PLCL1: variants seen among roughly 807,000 people sequenced by gnomAD.
PLCL1 encodes inactive phospholipase C-like protein 1.
PLCL1 carries 41 observed loss-of-function variants against 84.4 expected under a neutral mutation model. The ratio of observed to expected loss-of-function variants is 0.49; its 90% CI spans 0.38 to 0.63. The LOEUF is 0.63. Among genes scored for constraint, PLCL1 ranks in the 30% least tolerant of loss-of-function variants. The probability of loss-of-function intolerance (pLI) is 0.00; values close to 1 mark genes in which losing one functional copy is unlikely to be tolerated. For synonymous variants in PLCL1, 490 were observed against 488.3 expected, an observed-to-expected ratio of 1.00 and a Z score of -0.05; for missense variants, 1,206 against 1,367.8, an observed-to-expected ratio of 0.88 and a Z score of 1.87.
chr2:197,924,050 G>A (rs1353128826), intron 1 of PLCL1, among the ~76,000 whole-genome samples: 1 of 151,062 alleles, frequency 6.6e-6, no homozygotes, highest in East Asian at 2.0e-4. Flanking sequence ...GGCAGGCTGA[G>A]GCAGGAGAAT....
chr2:198,004,148 TAAAAGC>T lies in PLCL1; in HGVS notation c.241-79607_241-79602del, dbSNP rs797015384. Among the ~76,000 whole-genome samples, 756 of 151,762 alleles carry T rather than the reference TAAAAGC, an allele frequency of 5.0e-3. 7 individuals are homozygous for T. The highest frequency in any genetic ancestry group is 0.017 in the African/African-American group (691 of 41,460). ...ATGTAATATATTTAGCTTTTTTTTT[TAAAAGC>T]AAGTCTGGAAGCTGGGCCAATTTCT... On this transcript the variant is annotated intron_variant, in intron 1 of 5. Transcript: ENST00000428675.
intron 1 of PLCL1, among the ~76,000 whole-genome samples, chr2:197,834,630 AT>A (rs1691144105): frequency 6.6e-6 from 1 of 152,246 alleles, no homozygotes; most frequent in Non-Finnish European, 1.5e-5. Context: ...AATGGCGATC[AT>A]TAAAAAGTCA....
intron 1 of PLCL1, among the ~76,000 whole-genome samples, chr2:197,925,826 ATC>A (rs1035515664): frequency 8.6e-5 from 13 of 151,410 alleles, no homozygotes; most frequent in African/African-American, 2.9e-4. Context: ...TTTTATTTCA[ATC>A]TCTCTTTTAG....
chr2:198,059,971 C>A (rs1692153752), intron 1 of PLCL1, among the ~76,000 whole-genome samples: 1 of 152,126 alleles, frequency 6.6e-6, no homozygotes, highest in East Asian at 1.9e-4. Context: ...GGTTATCTGG[C>A]TGCATGAGGT....
intron 1 of PLCL1, among the ~76,000 whole-genome samples, chr2:197,835,911 TGA>T (rs1293681455): frequency 2.0e-5 from 3 of 152,210 alleles, no homozygotes; most frequent in Non-Finnish European, 4.4e-5. Flanking sequence ...TACAGTGTAA[TGA>T]TAGTATGTCA....
chr2:198,034,776 A>G (rs77713648), intron 1 of PLCL1, among the ~76,000 whole-genome samples: 1 of 152,334 alleles, frequency 6.6e-6, no homozygotes, highest in East Asian at 1.9e-4. Flanking sequence ...TAGGAAATCA[A>G]TCCAGGATCA....
chr2:198,141,720 G>A (rs1389100929), intron 5 of PLCL1, among the ~76,000 whole-genome samples: 1 of 152,156 alleles, frequency 6.6e-6, no homozygotes, highest in Admixed American at 6.5e-5. Flanking sequence ...TATGATGTCT[G>A]TGACTGGTTT....
chr2:198,087,654 TG>T (rs1692917719), intron 2 of PLCL1, among the ~76,000 whole-genome samples: 2 of 81,134 alleles, frequency 2.5e-5, no homozygotes, highest in Non-Finnish European at 7.8e-5. Flanking sequence ...TAATAATAAC[TG>T]TACATTTTAG....
rs972358756 is a variant in PLCL1 at position 198,132,905 on chromosome 2, T to G, written c.3106-13875T>G. Among the ~76,000 whole-genome samples the G allele has an allele frequency of 3.9e-5, 6 of 151,972 alleles. No homozygotes were observed. The East Asian group carries it at 1.2e-3, about 29-fold the overall frequency. On this transcript the variant is annotated intron_variant, in intron 5 of 5. Transcript: ENST00000428675. ...GTTTTGGACATGAAGTCCTTGCCCA[T>G]GCCTATGTCCTGAATGGTAATGCCT...
chr2:197,908,762 T>G (rs1238481037), intron 1 of PLCL1, among the ~76,000 whole-genome samples: 3 of 152,166 alleles, frequency 2.0e-5, no homozygotes, highest in Admixed American at 2.0e-4. Flanking sequence ...ATAGAAGAGG[T>G]GATATTGTCT....
chr2:197,888,221 C>T lies in PLCL1; in HGVS notation c.240+82882C>T, dbSNP rs1046893820. Among the ~76,000 whole-genome samples the T allele has an allele frequency of 2.0e-5, 3 of 152,100 alleles. No individual in the cohort carries two copies. The East Asian group carries it at 5.8e-4, about 29-fold the overall frequency. On this transcript the variant is annotated intron_variant, in intron 1 of 5. Coordinates refer to ENST00000428675, the MANE Select transcript of PLCL1 (RefSeq NM_006226.4). ...GTAAACTCTCTGGTTGTATTTCTCA[C>T]CTAACTTCATTGAATTGTTGGTCTT...
chr2:197,915,467 A>G (rs1443382643), intron 1 of PLCL1, among the ~76,000 whole-genome samples: 1 of 152,028 alleles, frequency 6.6e-6, no homozygotes, highest in Non-Finnish European at 1.5e-5. Context: ...TCTGTGGATA[A>G]AAGGAGGGTT....
At chr2:197,918,946 C>G (rs987551963) in intron 1 of PLCL1, among the ~76,000 whole-genome samples, 16 of 132,638 alleles carry the variant, frequency 1.2e-4, no homozygotes, top group Non-Finnish European at 1.5e-4. Flanking sequence ...GTCTCTCTCT[C>G]TCTCTCTCTC....
rs996381016 is a variant in PLCL1 at position 197,805,157 on chromosome 2, G to A, written c.58G>A (p.Glu20Lys). 1.4e-3 allele frequency: 1,789 copies of A among 1,304,408 alleles called. 1 individual carries two copies. Among genetic ancestry groups the A allele is most frequent in the Non-Finnish European group, 1.6e-3 (1,681 of 1,031,430 alleles). 80.8% of individuals were successfully genotyped at this position (1,304,408 alleles called of 1,614,324 possible). ...DPAPPDAAGGEDDPRVGPDAA... is the reference protein window; with the variant it reads ...DPAPPDAAGGKDDPRVGPDAA... ...GGCGCCGCCCGACGCGGCGGGGGGC[G>A]AAGACGACCCCCGAGTGGGCCCGGA... is the stretch of plus-strand genomic sequence containing the variant. The change falls in exon 1 of 6, where the codon GAA becomes AAA. Residue 20 changes from glutamate to lysine, a missense_variant. By Grantham distance (56) the Glu-to-Lys change is moderately conservative. Coordinates refer to ENST00000428675, the MANE Select transcript of PLCL1 (RefSeq NM_006226.4). This position sits in a 1 kb window ranked among gnomAD's most constrained non-coding sequence, Gnocchi z 4.0.
intron 1 of PLCL1, among the ~76,000 whole-genome samples, chr2:197,807,045 A>G (rs1021045580): frequency 5.9e-5 from 9 of 152,216 alleles, no homozygotes; most frequent in African/African-American, 9.6e-5. Flanking sequence ...TTTTTCCCCT[A>G]TTTAATAGTA....
At chr2:197,853,694 C>G (rs1306273593) in intron 1 of PLCL1, among the ~76,000 whole-genome samples, 1 of 152,128 alleles carries the variant, frequency 6.6e-6, no homozygotes, top group African/African-American at 2.4e-5. Flanking sequence ...CTGACTCCCT[C>G]CTATGCATCC....
chr2:197,973,193 T>G (rs1271560204), intron 1 of PLCL1, among the ~76,000 whole-genome samples: 1 of 152,178 alleles, frequency 6.6e-6, no homozygotes, highest in Non-Finnish European at 1.5e-5. Flanking sequence ...CAGTAGTGCA[T>G]GGAGGTATGA....
At chr2:198,110,935 A>G (rs997713167) in intron 5 of PLCL1, among the ~76,000 whole-genome samples, 14 of 151,866 alleles carry the variant, frequency 9.2e-5, no homozygotes, top group African/African-American at 3.4e-4. Flanking sequence ...TACAAAGTGT[A>G]GAAACAGACC....
intron 5 of PLCL1, among the ~76,000 whole-genome samples, chr2:198,145,862 C>G (rs1244471980): frequency 6.6e-6 from 1 of 152,080 alleles, no homozygotes; most frequent in Non-Finnish European, 1.5e-5. Flanking sequence ...TCGTCATAAC[C>G]CCATATCCAC....
Sources: allele counts gnomAD v4.1 joint callset (sites outside exome capture counted in the v4.1 genomes callset), GRCh38; gene constraint gnomAD v4.1.1; non-coding constraint Gnocchi (gnomAD v3.1); transcripts MANE v1.5; gene names NCBI Gene and HGNC (gene_info 2026-07-23, HGNC 2026-07-21).